CD99: variants seen among roughly 807,000 people sequenced by gnomAD.
CD99 encodes the protein CD99 antigen.
CD99 carries 19 observed loss-of-function variants against 28.4 expected under a neutral mutation model. The observed-to-expected ratio is 0.67, with a 90% CI of 0.47 to 0.98. CD99 has a LOEUF of 0.98. CD99 is among the 50% of genes least tolerant of loss of function. The probability of loss-of-function intolerance (pLI) is 0.00; values close to 1 mark genes in which losing one functional copy is unlikely to be tolerated. For synonymous variants in CD99, 103 were observed against 92.1 expected, an observed-to-expected ratio of 1.12 and a Z score of -0.67; for missense variants, 283 against 248.8, an observed-to-expected ratio of 1.14 and a Z score of -0.92.
chrX:2,713,750 A>T (rs2048555068), intron 1 of CD99, among the ~76,000 whole-genome samples: 1 of 152,070 alleles, frequency 6.6e-6, no homozygotes, highest in African/African-American at 2.4e-5. Flanking sequence ...AGGAGTGGGG[A>T]CGCTGGATGT....
At chrX:2,696,267 TC>T (rs11288633) in intron 1 of CD99, among the ~76,000 whole-genome samples, 2,443 of 152,314 alleles carry the variant, frequency 0.016, 69 homozygotes, top group African/African-American at 0.054. Flanking sequence ...TCTGCTGTCT[TC>T]CGTGCTTCAC....
intron 1 of CD99, among the ~76,000 whole-genome samples, chrX:2,707,502 G>GT (rs58229272): frequency 0.042 from 6,442 of 152,208 alleles, 164 homozygotes; most frequent in African/African-American, 0.068. Flanking sequence ...GGTTCGTCCT[G>GT]TTTTTTGAGT....
intron 9 of CD99, among the ~76,000 whole-genome samples, chrX:2,739,247 CA>C (rs1490032031): frequency 7.9e-5 from 12 of 152,066 alleles, no homozygotes; most frequent in African/African-American, 2.7e-4. Context: ...AGAAACTTCT[CA>C]GGGTAAAAGG....
chrX:2,720,217 CT>C (rs2048927565), intron 4 of CD99, 138 bp from the exon 5 acceptor site: 1 of 685,526 alleles, frequency 1.5e-6, no homozygotes, highest in Non-Finnish European at 2.6e-6. Context: ...TGGCAGGAGA[CT>C]GTGTGTGTAC....
intron 8 of CD99, among the ~76,000 whole-genome samples, chrX:2,731,183 C>T (rs1331933243): frequency 1.3e-5 from 2 of 152,150 alleles, no homozygotes; most frequent in Admixed American, 6.5e-5. Flanking sequence ...CAGGATTTTG[C>T]TTTATGGGTT....
rs776234824 is a variant in CD99, at chrX:2,691,357, C to T, written c.-4C>T. ...GGACCGTCCCTGCGCGCTCTGGGCG[C>T]ACCATGGCCCGCGGGGCTGCGCTGG... On this transcript the variant is annotated 5_prime_UTR_variant, in exon 1 of 10. Transcript: ENST00000381192. 3.2e-6 allele frequency: 5 copies of T among 1,567,298 alleles called. 1 individual carries two copies. The South Asian group carries it at 4.6e-5, about 14-fold the overall frequency.
chrX:2,710,315 G>A (rs191482060), intron 1 of CD99, among the ~76,000 whole-genome samples: 1 of 152,140 alleles, frequency 6.6e-6, no homozygotes, highest in Non-Finnish European at 1.5e-5. Flanking sequence ...TCCGAGTCTC[G>A]TACGCCCTTG....
At chrX:2,725,850 C>T (rs2038168754) in intron 7 of CD99, among the ~76,000 whole-genome samples, 1 of 152,100 alleles carries the variant, frequency 6.6e-6, no homozygotes, top group Non-Finnish European at 1.5e-5. Context: ...TGACCTCAGG[C>T]GATTCACCTG....
At chrX:2,735,211 G>GGT (rs964376146) in intron 8 of CD99, among the ~76,000 whole-genome samples, 14 of 151,930 alleles carry the variant, frequency 9.2e-5, no homozygotes, top group African/African-American at 2.2e-4. Flanking sequence ...CCAAGCACAC[G>GGT]GTGTGTGTGT....
intron 1 of CD99, among the ~76,000 whole-genome samples, chrX:2,713,182 C>T (rs1372657620): frequency 3.3e-5 from 5 of 151,856 alleles, no homozygotes; most frequent in Non-Finnish European, 5.9e-5. Context: ...ACACATAACA[C>T]CTACACACAT....
In CD99 at chrX:2,700,791, A is replaced by G. The variant is rs192024981; in HGVS notation, c.67+9364A>G. Among the ~76,000 whole-genome samples, 484 of 151,266 alleles carry G rather than the reference A, an allele frequency of 3.2e-3. 2 individuals carry two copies. Among genetic ancestry groups the G allele is most frequent in the African/African-American group, 0.011 (450 of 41,140 alleles). Reference sequence around the variant, plus strand: ...TCATCAATTTACCCATCTACCATCCATCCATTTATCCGTTCACCCATTCAT... The same window carrying G: ...TCATCAATTTACCCATCTACCATCCGTCCATTTATCCGTTCACCCATTCAT... On this transcript the variant is annotated intron_variant, in intron 1 of 9. Coordinates refer to ENST00000381192, the MANE Select transcript of CD99 (RefSeq NM_002414.5).
intron 8 of CD99, among the ~76,000 whole-genome samples, chrX:2,732,862 C>G (rs1448807282): frequency 7.3e-6 from 1 of 136,596 alleles, no homozygotes; most frequent in Non-Finnish European, 1.5e-5. Flanking sequence ...TTCTTACATG[C>G]CTCTTTTCTT....
intron 1 of CD99, among the ~76,000 whole-genome samples, chrX:2,712,806 T>G (rs1160670665): frequency 8.6e-5 from 13 of 150,932 alleles, no homozygotes. Context: ...CAAGCAGACG[T>G]GGACACACCT....
chrX:2,704,557 C>T (rs2048030003), intron 1 of CD99, among the ~76,000 whole-genome samples: 1 of 152,118 alleles, frequency 6.6e-6, no homozygotes, highest in Admixed American at 6.6e-5. Flanking sequence ...CCTCAGCCTC[C>T]CAAGTAGCTG....
chrX:2,714,491 AT>A, intron 2 of CD99, 37 bp downstream of exon 2: 1 of 1,543,076 alleles, frequency 6.5e-7, no homozygotes, highest in South Asian at 1.1e-5. Flanking sequence ...TCCCGTCAAT[AT>A]TTTATGTTAA....
At chrX:2,707,996 G>T (rs1282699310) in intron 1 of CD99, among the ~76,000 whole-genome samples, 3 of 152,158 alleles carry the variant, frequency 2.0e-5, no homozygotes. Context: ...GTTAGGAGAC[G>T]ATAGCTTCAT....
chrX:2,701,739 A>T (rs1276161391), intron 1 of CD99, among the ~76,000 whole-genome samples: 1 of 152,244 alleles, frequency 6.6e-6, no homozygotes, highest in Non-Finnish European at 1.5e-5. Context: ...GGTTTGACGC[A>T]GACAGCTGTG....
At chrX:2,698,186 T>C (rs2047666957) in intron 1 of CD99, among the ~76,000 whole-genome samples, 1 of 130,324 alleles carries the variant, frequency 7.7e-6, no homozygotes, top group African/African-American at 3.2e-5. Flanking sequence ...TCTTTGTTTC[T>C]TTTTTTTTTT....
In CD99 at chrX:2,697,199, C is replaced by T. The variant is rs182381846; in HGVS notation, c.67+5772C>T. 1.6e-3 allele frequency among the ~76,000 whole-genome samples: 238 copies of T among 152,174 alleles called. 2 individuals are homozygous for T. The highest frequency in any genetic ancestry group is 5.6e-3 in the South Asian group (27 of 4,816). The stretch of plus-strand genomic sequence containing the variant: ...TATAATATATGTTTGTCATTGTGGA[C>T]GGCAGCTGGATGAGTCTGAAAGCGG... On this transcript the variant is annotated intron_variant, in intron 1 of 9. Coordinates refer to ENST00000381192, the MANE Select transcript of CD99 (RefSeq NM_002414.5).
Sources: gnomAD v4.1 joint callset for allele counts (sites outside exome capture counted in the v4.1 genomes callset) on GRCh38, gnomAD v4.1.1 for gene constraint, MANE v1.5 for transcripts, NCBI Gene and HGNC (gene_info 2026-07-23, HGNC 2026-07-21) for gene names.